The following THSD7A variants were observed in gnomAD, a reference collection of about 807,000 sequenced individuals.
THSD7A encodes thrombospondin type 1 domain containing 7A, also known as thrombospondin type-1 domain-containing protein 7A.
A neutral mutation model predicts 231.3 loss-of-function variants in THSD7A; 96 were observed. The observed-to-expected ratio is 0.41, with a 90% CI of 0.35 to 0.49. The LOEUF (loss-of-function observed/expected upper bound fraction) is 0.49. Ranked by LOEUF, THSD7A falls within the 20% of genes least tolerant of loss-of-function variation. The pLI is 0.05. For synonymous variants in THSD7A, 940 were observed against 743.3 expected (o/e 1.26, Z -4.30); for missense variants, 2,290 against 2,070.2 (o/e 1.11, Z -2.06).
chr7:11,385,314 C>T (rs1297350582), intron 23 of THSD7A: 1 of 152,014 alleles, frequency 6.6e-6, no homozygotes, highest in Non-Finnish European at 1.5e-5. Flanking sequence ...GAACCTCCTT[C>T]ACTAGGTTGA....
At chr7:11,610,052 C>T (rs73290878) in intron 2 of THSD7A, among the ~76,000 whole-genome samples, 2,701 of 151,834 alleles carry the variant, frequency 0.018, 77 homozygotes, top group African/African-American at 0.062. Context: ...ATGGTTAATG[C>T]CTACAAATGT....
At chr7:11,806,648 T>G (rs781463058) in intron 1 of THSD7A, among the ~76,000 whole-genome samples, 18 of 152,188 alleles carry the variant, frequency 1.2e-4, no homozygotes, top group Admixed American at 1.0e-3. Context: ...CAATGTTTTG[T>G]CCAGCAGTTC....
chr7:11,604,545 CT>C (rs59580269), intron 2 of THSD7A, among the ~76,000 whole-genome samples: 25 of 151,906 alleles, frequency 1.6e-4, no homozygotes, highest in African/African-American at 5.6e-4. Flanking sequence ...AAAAATGTTT[CT>C]TTTTTTCCCA....
chr7:11,478,236 A>T (rs776326926), intron 7 of THSD7A, among the ~76,000 whole-genome samples: 24 of 152,166 alleles, frequency 1.6e-4, no homozygotes, highest in South Asian at 2.1e-4. Flanking sequence ...AACACTCCTC[A>T]ACTGTGTCTG....
At position 11,444,809 on chromosome 7, in the gene THSD7A, A is replaced by G. The variant is rs898841728; in HGVS notation, c.3064+1252T>C. On this transcript the variant is annotated intron_variant, in intron 13 of 27. Coordinates refer to ENST00000423059, the MANE Select transcript of THSD7A (RefSeq NM_015204.3). The surrounding 1 kb of genome is among the most constrained non-coding windows in gnomAD (Gnocchi z 4.2). ...TGTGTGTGTGTGTGTGTGTGTGTGTATAAACTATATATATAATTAAACTAT... is the reference window on the plus strand; with the variant it reads ...TGTGTGTGTGTGTGTGTGTGTGTGTGTAAACTATATATATAATTAAACTAT... 4.6e-4 allele frequency among the ~76,000 whole-genome samples: 64 copies of G among 140,194 alleles called. No homozygotes were observed. Among genetic ancestry groups the G allele is most frequent in the African/African-American group, 1.6e-3 (57 of 36,234 alleles). The allele number at this position is 140,194 out of a possible 152,430, so 92.0% of individuals were successfully genotyped here.
At chr7:11,723,708 G>C (rs926461659) in intron 1 of THSD7A, among the ~76,000 whole-genome samples, 1 of 151,816 alleles carries the variant, frequency 6.6e-6, no homozygotes, top group Non-Finnish European at 1.5e-5. Context: ...CTACATCAGG[G>C]AAGAGCATTT....
intron 6 of THSD7A, among the ~76,000 whole-genome samples, chr7:11,531,297 C>T (rs1040093360): frequency 6.6e-6 from 1 of 152,118 alleles, no homozygotes; most frequent in Admixed American, 6.6e-5. Flanking sequence ...TTCTCTGCTC[C>T]CCTAAAGTTC....
Position 11,831,210 on chromosome 7 carries a change from G to A in THSD7A, c.190+547C>T, listed in dbSNP as rs1001346022. On this transcript the variant is annotated intron_variant, in intron 1 of 27. Transcript: ENST00000423059. This position sits in a 1 kb window ranked among gnomAD's most constrained non-coding sequence, Gnocchi z 5.0. ...ACTTTAAAAATCCTCCGACTCGCTA[G>A]TTAATAATTGAGTTTTCAGTCTTTC... Among the ~76,000 whole-genome samples, 1 of 152,166 alleles carries A rather than the reference G, an allele frequency of 6.6e-6. No homozygotes were observed. The highest frequency in any genetic ancestry group is 1.5e-5 in the Non-Finnish European group (1 of 68,034).
At chr7:11,684,419 T>TA (rs1779957499) in intron 1 of THSD7A, among the ~76,000 whole-genome samples, 1 of 140,946 alleles carries the variant, frequency 7.1e-6, no homozygotes, top group Non-Finnish European at 1.6e-5. Context: ...GACATTGAAA[T>TA]AGAAAAAAAA....
intron 1 of THSD7A, among the ~76,000 whole-genome samples, chr7:11,826,171 G>A (rs1466079587): frequency 6.6e-6 from 1 of 152,166 alleles, no homozygotes; most frequent in Non-Finnish European, 1.5e-5. Context: ...GTCAGTAATA[G>A]TAATGTCCTG....
chr7:11,761,016 A>G (rs1782840597), intron 1 of THSD7A, among the ~76,000 whole-genome samples: 2 of 149,978 alleles, frequency 1.3e-5, no homozygotes, highest in African/African-American at 4.9e-5. Context: ...ATACAAACAT[A>G]TTGCTAAGAT....
rs1175020765 is a variant in THSD7A, at chr7:11,458,237, G to A, written c.2605+2425C>T. On this transcript the variant is annotated intron_variant, in intron 11 of 27. Coordinates refer to ENST00000423059, the MANE Select transcript of THSD7A (RefSeq NM_015204.3). ...TGACCATATAAGTAAGGATAAAGAT[G>A]AAAATAGCAAGAACTTGGCGAGTAA... is the stretch of plus-strand genomic sequence containing the variant. Among the ~76,000 whole-genome samples, 10 of 152,018 alleles carry A rather than the reference G, an allele frequency of 6.6e-5. No homozygotes were observed. In the South Asian group the frequency reaches 2.1e-3, roughly 32 times the overall value.
intron 1 of THSD7A, among the ~76,000 whole-genome samples, chr7:11,813,585 C>T (rs984694381): frequency 5.3e-5 from 8 of 151,816 alleles, no homozygotes; most frequent in Admixed American, 2.0e-4. Context: ...TGGTGGCACA[C>T]GCCTGTAGTC....
intron 1 of THSD7A, among the ~76,000 whole-genome samples, chr7:11,669,786 A>C (rs796995962): frequency 9.9e-5 from 15 of 152,258 alleles, no homozygotes; most frequent in African/African-American, 3.6e-4. Context: ...ATAATTCCAC[A>C]GAAATTAGGA....
At chr7:11,644,893 C>CCTTT (rs1042082088) in intron 1 of THSD7A, among the ~76,000 whole-genome samples, 1 of 151,882 alleles carries the variant, frequency 6.6e-6, no homozygotes. Flanking sequence ...TTGTGAATTG[C>CCTTT]CTTTCTTTTA....
At chr7:11,736,453 C>CTGTGTGTGTG (rs61483307) in intron 1 of THSD7A, among the ~76,000 whole-genome samples, 2 of 143,530 alleles carry the variant, frequency 1.4e-5, no homozygotes, top group African/African-American at 2.7e-5. Flanking sequence ...ACAGCAGACT[C>CTGTGTGTGTG]TGTGTGTGTG....
In THSD7A at chr7:11,405,167, T is replaced by TTTA. The variant is rs202235060; in HGVS notation, c.4237+1132_4237+1133insTAA. Among the ~76,000 whole-genome samples, 165 of 151,450 alleles carry TTTA rather than the reference T, an allele frequency of 1.1e-3. 1 individual carries two copies. The highest frequency in any genetic ancestry group is 0.01 in the Middle Eastern group (3 of 294). On this transcript the variant is annotated intron_variant, in intron 22 of 27. Coordinates refer to ENST00000423059, the MANE Select transcript of THSD7A (RefSeq NM_015204.3). ...ATCTCAAATGATTTTTTTTTTTTTT[T>TTTA]ACGAAGGAATAAGTAACTCGATGAG...
intron 8 of THSD7A, among the ~76,000 whole-genome samples, chr7:11,471,859 T>C (rs1422632741): frequency 6.6e-6 from 1 of 152,128 alleles, no homozygotes; most frequent in Non-Finnish European, 1.5e-5. Context: ...ACTATGAAAT[T>C]ATTGGTCAGT....
intron 18 of THSD7A, 37 bp downstream of exon 18, chr7:11,412,619 T>C (rs1415772165): frequency 1.2e-6 from 2 of 1,611,704 alleles, no homozygotes; most frequent in Admixed American, 3.3e-5. Flanking sequence ...ACACAGGATT[T>C]GGACTTAACT....
Sources: gnomAD v4.1 joint callset for allele counts (sites outside exome capture counted in the v4.1 genomes callset) on GRCh38, gnomAD v4.1.1 for gene constraint, Gnocchi (gnomAD v3.1) non-coding constraint, MANE v1.5 for transcripts, NCBI Gene and HGNC (gene_info 2026-07-23, HGNC 2026-07-21) for gene names.